EIF4ENIF1: variants seen among roughly 807,000 people sequenced by gnomAD.
EIF4ENIF1 encodes eukaryotic translation initiation factor 4E transporter.
Under a neutral mutation model 110.5 loss-of-function variants are expected in EIF4ENIF1, and 23 were observed. The ratio of observed to expected loss-of-function variants is 0.21; its 90% confidence interval spans 0.15 to 0.29. EIF4ENIF1 has a LOEUF of 0.29. Ranked by LOEUF, EIF4ENIF1 falls within the 10% of genes least tolerant of loss-of-function variation. The pLI, the probability that EIF4ENIF1 is intolerant of heterozygous loss-of-function variation, is 1.00. For missense variants in EIF4ENIF1, 1,031 were observed against 1,221.1 expected (o/e 0.84, Z 2.32); for synonymous variants, 440 against 437.0 (o/e 1.01, Z -0.09).
At chr22:31,487,252 A>G (rs1180083666) in intron 2 of EIF4ENIF1, among the ~76,000 whole-genome samples, 2 of 152,216 alleles carry the variant, frequency 1.3e-5, no homozygotes, top group Non-Finnish European at 2.9e-5. Flanking sequence ...AAAGTTTTCT[A>G]TCAACTTACA....
intron 3 of EIF4ENIF1, among the ~76,000 whole-genome samples, chr22:31,471,400 C>T (rs1229256790): frequency 2.6e-5 from 4 of 151,872 alleles, no homozygotes; most frequent in African/African-American, 7.3e-5. Context: ...CTGCAGGCTC[C>T]GCCTCCCGAG....
chr22:31,440,969 T>C, intron 17 of EIF4ENIF1, 101 bp from the exon 18 acceptor site: 4 of 1,479,628 alleles, frequency 2.7e-6, no homozygotes, highest in Non-Finnish European at 2.8e-6. Flanking sequence ...TTGTTAAGAA[T>C]GAAGGGCTCT....
chr22:31,465,859 C>T (rs1209417136), intron 4 of EIF4ENIF1, among the ~76,000 whole-genome samples: 3 of 152,158 alleles, frequency 2.0e-5, no homozygotes, highest in Non-Finnish European at 2.9e-5. Flanking sequence ...CACTCAACAA[C>T]GTGGATAAAT....
chr22:31,474,665 G>A (rs78518489), intron 2 of EIF4ENIF1, among the ~76,000 whole-genome samples: 2,354 of 152,068 alleles, frequency 0.015, 15 homozygotes, highest in Middle Eastern at 0.027. Context: ...CCTTTCAGTA[G>A]AGTTAGGAAA....
chr22:31,443,534 A>C (rs1055114940), intron 15 of EIF4ENIF1: 1 of 157,164 alleles, frequency 6.4e-6, no homozygotes, highest in Non-Finnish European at 1.4e-5. Context: ...CATCAGGATT[A>C]ATCATTTGGA....
chr22:31,482,707 AGTC>A (rs2051865376), intron 2 of EIF4ENIF1, among the ~76,000 whole-genome samples: 2 of 151,324 alleles, frequency 1.3e-5, no homozygotes, highest in Admixed American at 1.3e-4. Flanking sequence ...AAAACAGATT[AGTC>A]TATTCACTTG....
At chr22:31,474,868 A>G (rs1055305233) in intron 2 of EIF4ENIF1, among the ~76,000 whole-genome samples, 1 of 152,158 alleles carries the variant, frequency 6.6e-6, no homozygotes, top group East Asian at 1.9e-4. Flanking sequence ...AGCACATACC[A>G]CTATGCCATG....
intron 4 of EIF4ENIF1, among the ~76,000 whole-genome samples, chr22:31,467,101 T>C (rs1309355413): frequency 6.6e-6 from 1 of 152,222 alleles, no homozygotes; most frequent in Non-Finnish European, 1.5e-5. Context: ...AACATTCCCA[T>C]ATATGGATAC....
Position 31,442,942 on chromosome 22 carries a change from C to T in EIF4ENIF1, c.2206+20G>A. 6.2e-7 allele frequency: 1 copy of T among 1,613,192 alleles called. No homozygotes were observed. Among genetic ancestry groups the T allele is most frequent in the Non-Finnish European group, 8.5e-7 (1 of 1,179,610 alleles). On this transcript the variant is annotated intron_variant, in intron 16 of 18. Transcript: ENST00000330125. ...CATCACATACTTTCTTGAGCAGTGC[C>T]CTTAACAGCTCTGCAGTACCTTCAC...
Position 31,440,091 on chromosome 22 carries a change from G to A in EIF4ENIF1, c.2747C>T (p.Ala916Val). Reference protein sequence around the residue: ...VLHPPGSGSHAAAVSVQTTPQ... With the variant: ...VLHPPGSGSHVAAVSVQTTPQ... ...GGTTGTCTGAACGCTGACAGCTGCT[G>A]CATGGGAACCAGAGCCTGGAGGATG... Residue 916 changes from alanine (A) to valine (V), a missense_variant, in exon 19 of 19, where the codon GCA becomes GTA. Physicochemically the swap from Ala to Val is moderately conservative, Grantham distance 64. Around this residue, in one of 3 missense-constraint regions of EIF4ENIF1, gnomAD observed 309 missense variants for 299.1 expected, o/e 1.03. Transcript: ENST00000330125. 1 of 1,614,180 alleles carries A rather than the reference G, an allele frequency of 6.2e-7. No homozygotes were observed. Among genetic ancestry groups the A allele is most frequent in the South Asian group, 1.1e-5 (1 of 91,088 alleles).
rs912970826 is a variant in EIF4ENIF1, at chr22:31,439,718, T to A, written c.*162A>T. The A allele has an allele frequency of 5.2e-6, 5 of 962,496 alleles. No homozygotes were observed. The highest frequency in any genetic ancestry group is 7.5e-6 in the Non-Finnish European group (5 of 667,536). 59.6% of individuals were successfully genotyped at this position (962,496 alleles called of 1,614,324 possible). A position where few individuals can be genotyped will look rare whatever the true frequency, so the allele number is the denominator to read the frequency against. On this transcript the variant is annotated 3_prime_UTR_variant, in exon 19 of 19. Coordinates refer to ENST00000330125, the MANE Select transcript of EIF4ENIF1 (RefSeq NM_019843.4). ...GTACACTCCACTCGACTGGTTAAGA[T>A]CCTTCCATCATAATGCGGACCACAC... is the stretch of plus-strand genomic sequence containing the variant.
At chr22:31,441,681 T>C in intron 17 of EIF4ENIF1, 93 bp downstream of exon 17, 1 of 1,120,182 alleles carries the variant, frequency 8.9e-7, no homozygotes, top group East Asian at 2.6e-5. Context: ...TTTCTAGGGA[T>C]GGAAATCTCC....
At chr22:31,443,951 C>T (rs955117193) in intron 15 of EIF4ENIF1, among the ~76,000 whole-genome samples, 1 of 151,922 alleles carries the variant, frequency 6.6e-6, no homozygotes, top group South Asian at 2.1e-4. Flanking sequence ...TGTGCACCAC[C>T]ATGCCCGACT....
intron 3 of EIF4ENIF1, among the ~76,000 whole-genome samples, chr22:31,471,440 G>A (rs1238210599): frequency 6.6e-6 from 1 of 151,466 alleles, no homozygotes; most frequent in Non-Finnish European, 1.5e-5. Flanking sequence ...TCAGCCTCCC[G>A]AGTAGCTGGG....
At chr22:31,441,682 G>A (rs780499474) in intron 17 of EIF4ENIF1, 92 bp downstream of exon 17, 9 of 1,129,586 alleles carry the variant, frequency 8.0e-6, no homozygotes, top group Non-Finnish European at 1.1e-5. Flanking sequence ...TTCTAGGGAT[G>A]GAAATCTCCC....
At position 31,488,665 on chromosome 22, in the gene EIF4ENIF1, C is replaced by T. The variant is rs535626674; in HGVS notation, c.54G>A (p.Leu18=). 15 of 1,614,114 alleles carry T rather than the reference C, an allele frequency of 9.3e-6. No individual in the cohort carries two copies. The South Asian group carries it at 1.5e-4, about 17-fold the overall frequency. Residue 18 remains leucine, a synonymous_variant, in exon 2 of 19, where the codon CTG becomes CTA. Coordinates refer to ENST00000330125, the MANE Select transcript of EIF4ENIF1 (RefSeq NM_019843.4). Reference sequence around the variant, plus strand: ...GGCATTTGGAGGCAGGAGGCTTCTTCAGGTCAAGGAAAGCATCTCCACTTT... The same window carrying T: ...GGCATTTGGAGGCAGGAGGCTTCTTTAGGTCAAGGAAAGCATCTCCACTTT... ...ETESGDAFLD[L]KKPPASKCPH...
rs1365031184 is a variant in EIF4ENIF1, at chr22:31,441,861, G to C, written c.2464C>G (p.Pro822Ala). The C allele has an allele frequency of 6.2e-7, 1 of 1,614,148 alleles. No homozygotes were observed. The highest frequency in any genetic ancestry group is 8.5e-7 in the Non-Finnish European group (1 of 1,180,020). The change falls in exon 17 of 19, where the codon CCT becomes GCT. Residue 822 changes from proline to alanine, a missense_variant. Physicochemically the swap from Pro to Ala is conservative, Grantham distance 27. Transcript: ENST00000330125. ...AACCCTGGGTGAAGCTGGTGAGCAG[G>C]CCTAACCATAGGGACATGGGGGACA... ...PLVPHVPMVR[P>A]AHQLHPGLVQ...
chr22:31,437,548 C>T (rs1230381383), downstream of EIF4ENIF1: 1 of 142,948 alleles, frequency 7.0e-6, no homozygotes, highest in Admixed American at 7.6e-5. Context: ...CTTAGCAATA[C>T]TCCCTTATTT....
intron 7 of EIF4ENIF1, among the ~76,000 whole-genome samples, chr22:31,456,396 T>C (rs575095340): frequency 2.7e-4 from 41 of 151,996 alleles, no homozygotes; most frequent in African/African-American, 9.2e-4. Context: ...GCTAATTTTT[T>C]GTATTTTTAG....
Sources: gnomAD v4.1 joint callset for allele counts (sites outside exome capture counted in the v4.1 genomes callset) on GRCh38, gnomAD v4.1.1 for gene constraint, gnomAD v4.1.1 regional missense constraint, MANE v1.5 for transcripts, NCBI Gene and HGNC (gene_info 2026-07-23, HGNC 2026-07-21) for gene names.